The following ALOX5 variants were observed in gnomAD, a reference collection of about 807,000 sequenced individuals.
ALOX5 encodes the protein polyunsaturated fatty acid 5-lipoxygenase.
ALOX5 carries 64 observed loss-of-function variants against 87.9 expected under a neutral mutation model. The observed-to-expected ratio is 0.73, with a 90% confidence interval of 0.60 to 0.90. The LOEUF is 0.90. Among genes scored for constraint, ALOX5 ranks in the 40% least tolerant of loss-of-function variants. The probability of loss-of-function intolerance (pLI) is 0.00; values close to 1 mark genes in which losing one functional copy is unlikely to be tolerated. For synonymous variants in ALOX5, 388 were observed against 355.1 expected (o/e 1.09, Z -1.04); for missense variants, 822 against 907.5 (o/e 0.91, Z 1.21).
rs1842223455 is a variant in ALOX5 at position 45,441,205 on chromosome 10, A to T, written c.1186-139A>T. On this transcript the variant is annotated intron_variant, in intron 8 of 13. Transcript: ENST00000374391. ...CCTCCAGCACTTATTCAGCAGAAAG[A>T]TCAGCACCCAGCCTTCACTTCCTCC... The T allele has an allele frequency of 9.8e-6, 7 of 711,522 alleles. No homozygotes were observed. In the South Asian group the frequency reaches 1.0e-4, roughly 10 times the overall value. The allele number at this position is 711,522 out of a possible 1,614,324, so 44.1% of individuals were successfully genotyped here. A position where few individuals can be genotyped will look rare whatever the true frequency, so the allele number is the denominator to read the frequency against.
intron 2 of ALOX5, among the ~76,000 whole-genome samples, chr10:45,390,308 C>G (rs548579713): frequency 6.6e-6 from 1 of 152,256 alleles, no homozygotes; most frequent in South Asian, 2.1e-4. Flanking sequence ...CAAGGATATC[C>G]AGGAATTGAA....
At chr10:45,387,273 C>A (rs1372514389) in intron 2 of ALOX5, among the ~76,000 whole-genome samples, 2 of 152,278 alleles carry the variant, frequency 1.3e-5, no homozygotes, top group Middle Eastern at 3.4e-3. Context: ...ATTCTCAATC[C>A]TCTGTGTAGG....
chr10:45,408,095 C>T (rs1382603884), intron 3 of ALOX5, among the ~76,000 whole-genome samples: 1 of 152,210 alleles, frequency 6.6e-6, no homozygotes, highest in Non-Finnish European at 1.5e-5. Flanking sequence ...ATATTACTCT[C>T]TCTCCTTTTG....
chr10:45,444,079 C>CG, intron 12 of ALOX5, 37 bp from the exon 13 acceptor site: 1 of 1,502,474 alleles, frequency 6.7e-7, no homozygotes, highest in Non-Finnish European at 8.9e-7. Flanking sequence ...AGCAGGGCTT[C>CG]GGGGGTGCCC....
intron 2 of ALOX5, among the ~76,000 whole-genome samples, chr10:45,388,695 G>A (rs537704158): frequency 6.6e-5 from 10 of 152,300 alleles, no homozygotes; most frequent in African/African-American, 2.2e-4. Flanking sequence ...CCATCTGTAC[G>A]TCACCATCAT....
At chr10:45,387,603 G>T (rs1425957910) in intron 2 of ALOX5, among the ~76,000 whole-genome samples, 2 of 152,120 alleles carry the variant, frequency 1.3e-5, no homozygotes, top group South Asian at 4.2e-4. Flanking sequence ...AAATGCACAC[G>T]CAGGCCAGAG....
rs373773649 is a variant in ALOX5 at position 45,440,487 on chromosome 10, G to A, written c.1039G>A (p.Asp347Asn). 7.4e-6 allele frequency: 12 copies of A among 1,614,026 alleles called. No individual in the cohort carries two copies. The highest frequency in any genetic ancestry group is 1.7e-5 in the Admixed American group (1 of 60,004). ...TTTCCTCCCTTCGGATGCAAAATAC[G>A]ACTGGCTTTTGGCCAAAATCTGGGT... Reference protein sequence around the residue: ...PIFLPSDAKYDWLLAKIWVRS... With the variant: ...PIFLPSDAKYNWLLAKIWVRS... Residue 347 changes from aspartate (D) to asparagine (N), a missense_variant, in exon 8 of 14, where the codon GAC (aspartate) becomes AAC (asparagine). Asp to Asn is a conservative substitution (Grantham distance 23). Coordinates refer to ENST00000374391, the MANE Select transcript of ALOX5 (RefSeq NM_000698.5).
intron 9 of ALOX5, 51 bp from the exon 10 acceptor site, chr10:45,442,987 G>C: frequency 6.4e-7 from 1 of 1,574,042 alleles, no homozygotes; most frequent in Non-Finnish European, 8.6e-7. Flanking sequence ...GATGGGTCTG[G>C]ACAGCTGTGG....
Position 45,382,663 on chromosome 10 carries a change from G to T in ALOX5, c.331G>T (p.Val111Phe). The change falls in exon 2 of 14, where the codon GTC (valine) becomes TTC (phenylalanine). Residue 111 changes from valine to phenylalanine, a missense_variant. Transcript: ENST00000374391. ...YRWITGDVEV[V>F]LRDGRAKLAR... ...CTGGATCACCGGCGATGTCGAGGTTGTCCTGAGGGATGGACGCGGTGAGCA... is the reference window on the plus strand; with the variant it reads ...CTGGATCACCGGCGATGTCGAGGTTTTCCTGAGGGATGGACGCGGTGAGCA... The T allele has an allele frequency of 6.2e-7, 1 of 1,613,500 alleles. No individual in the cohort carries two copies. The highest frequency in any genetic ancestry group is 8.5e-7 in the Non-Finnish European group (1 of 1,179,746).
intron 7 of ALOX5, among the ~76,000 whole-genome samples, chr10:45,431,655 C>A (rs990812825): frequency 3.9e-5 from 6 of 151,976 alleles, no homozygotes; most frequent in Non-Finnish European, 8.8e-5. Context: ...TCACTGCAAC[C>A]TCCACCTCCC....
chr10:45,374,502 T>A, intron 1 of ALOX5, 73 bp downstream of exon 1: 1 of 1,309,830 alleles, frequency 7.6e-7, no homozygotes, highest in Non-Finnish European at 9.9e-7. Flanking sequence ...GGCAGAGGCC[T>A]GGGCGGGGGC....
At chr10:45,441,918 C>T (rs2132856734) in intron 9 of ALOX5, among the ~76,000 whole-genome samples, 1 of 152,276 alleles carries the variant, frequency 6.6e-6, no homozygotes, top group South Asian at 2.1e-4. Flanking sequence ...AGCACCCCAC[C>T]TCGTTTTGAG....
chr10:45,398,622 T>C (rs1011453768), intron 3 of ALOX5, among the ~76,000 whole-genome samples: 5 of 152,134 alleles, frequency 3.3e-5, no homozygotes, highest in African/African-American at 1.2e-4. Flanking sequence ...GGGCCTTCCA[T>C]CCATAATTTA....
intron 3 of ALOX5, 42 bp downstream of exon 3, chr10:45,395,978 T>G: frequency 6.3e-7 from 1 of 1,579,196 alleles, no homozygotes; most frequent in Non-Finnish European, 8.7e-7. Context: ...GGGCCATGGT[T>G]TCTTCTATCT....
At chr10:45,382,405 G>C in intron 1 of ALOX5, 78 bp from the exon 2 acceptor site, 6 of 1,492,880 alleles carry the variant, frequency 4.0e-6, no homozygotes, top group Non-Finnish European at 5.6e-6. Flanking sequence ...GCATACCTTG[G>C]GGTGACAAAT....
Position 45,383,957 on chromosome 10 carries a change from G to A in ALOX5, c.349+1276G>A, listed in dbSNP as rs773097529. Among the ~76,000 whole-genome samples the A allele has an allele frequency of 9.2e-5, 14 of 152,210 alleles. 1 individual carries two copies. In the South Asian group the frequency reaches 1.5e-3, roughly 16 times the overall value. ...CTCCTGCACATCTACCCAAGGTCTC[G>A]GTTATGAAGCCCTTCTTCCTGCAGA... On this transcript the variant is annotated intron_variant, in intron 2 of 13. Transcript: ENST00000374391.
At chr10:45,392,499 C>T (rs1840322812) in intron 2 of ALOX5, among the ~76,000 whole-genome samples, 1 of 151,508 alleles carries the variant, frequency 6.6e-6, no homozygotes, top group African/African-American at 2.4e-5. Context: ...TAAACAGATG[C>T]TTGAAGGCAG....
intron 7 of ALOX5, among the ~76,000 whole-genome samples, chr10:45,434,195 G>A (rs1343166725): frequency 6.6e-6 from 1 of 152,230 alleles, no homozygotes; most frequent in East Asian, 1.9e-4. Context: ...AGGAGCACTG[G>A]AGGGGACTTT....
At chr10:45,387,944 G>GACAGTGGGGGCAGA (rs1161676894) in intron 2 of ALOX5, among the ~76,000 whole-genome samples, 1 of 152,176 alleles carries the variant, frequency 6.6e-6, no homozygotes, top group Admixed American at 6.5e-5. Flanking sequence ...GGGATTGTTG[G>GACAGTGGGGGCAGA]ACAGTGGGGG....
Sources: allele counts gnomAD v4.1 joint callset (sites outside exome capture counted in the v4.1 genomes callset), GRCh38; gene constraint gnomAD v4.1.1; transcripts MANE v1.5; gene names NCBI Gene and HGNC (gene_info 2026-07-23, HGNC 2026-07-21).